Variants in SORCS1 observed in about 807,000 individuals in gnomAD.
SORCS1 encodes the protein sortilin related VPS10 domain containing receptor 1.
In SORCS1, 60 loss-of-function variants were observed where a neutral mutation model predicts 146.1. That is an observed-to-expected ratio of 0.41 (90% CI 0.33 to 0.51). SORCS1 has a LOEUF of 0.51. Ranked by LOEUF, SORCS1 falls within the 20% of genes least tolerant of loss-of-function variation. The probability of loss-of-function intolerance (pLI) is 0.21; values close to 1 mark genes in which losing one functional copy is unlikely to be tolerated. For missense variants in SORCS1, 1,352 were observed against 1,487.6 expected (o/e 0.91, Z 1.50); for synonymous variants, 637 against 584.0 (o/e 1.09, Z -1.31).
chr10:106,836,030 C>T (rs1267543386), intron 2 of SORCS1, among the ~76,000 whole-genome samples: 2 of 150,954 alleles, frequency 1.3e-5, no homozygotes, highest in African/African-American at 2.4e-5. Flanking sequence ...TCCTAACAGA[C>T]AACATCATAA....
chr10:107,162,305 G>A (rs1969772857), intron 1 of SORCS1, among the ~76,000 whole-genome samples: 1 of 152,190 alleles, frequency 6.6e-6, no homozygotes, highest in Non-Finnish European at 1.5e-5. Context: ...GAGCTAACAT[G>A]TTTGATGTGT....
chr10:107,117,443 A>G (rs766136240), intron 1 of SORCS1, among the ~76,000 whole-genome samples: 8 of 152,172 alleles, frequency 5.3e-5, no homozygotes, highest in Non-Finnish European at 1.2e-4. Context: ...CAGGCCAGAA[A>G]GCCTCTTCTC....
At chr10:106,824,465 C>T (rs1232606470) in intron 3 of SORCS1, among the ~76,000 whole-genome samples, 1 of 151,628 alleles carries the variant, frequency 6.6e-6, no homozygotes, top group Non-Finnish European at 1.5e-5. Flanking sequence ...TAGTAGACGC[C>T]TGTAATCCCA....
chr10:106,597,767 A>G (rs1008292502), intron 23 of SORCS1, among the ~76,000 whole-genome samples: 2 of 152,228 alleles, frequency 1.3e-5, no homozygotes, highest in African/African-American at 4.8e-5. Context: ...TTTGTTATGC[A>G]TGAGGACTTA....
At chr10:106,920,473 G>T (rs1338854199) in intron 2 of SORCS1, among the ~76,000 whole-genome samples, 1 of 152,070 alleles carries the variant, frequency 6.6e-6, no homozygotes, top group East Asian at 1.9e-4. Context: ...TCAAAATCCT[G>T]TATACAACTA....
At chr10:106,841,140 C>T (rs1355457804) in intron 2 of SORCS1, among the ~76,000 whole-genome samples, 3 of 152,010 alleles carry the variant, frequency 2.0e-5, no homozygotes, top group Non-Finnish European at 2.9e-5. Context: ...AGGCATGAGC[C>T]ACCCTGCCCA....
chr10:106,806,089 G>A (rs1315054101), intron 3 of SORCS1, among the ~76,000 whole-genome samples: 1 of 147,538 alleles, frequency 6.8e-6, no homozygotes, highest in East Asian at 2.0e-4. Context: ...CATGGAGTAG[G>A]CCGGGCACGG....
intron 24 of SORCS1, among the ~76,000 whole-genome samples, chr10:106,596,064 T>A (rs1845886131): frequency 1.3e-5 from 2 of 152,120 alleles, no homozygotes; most frequent in Non-Finnish European, 2.9e-5. Flanking sequence ...CATACAGAAG[T>A]TAAATGTCTT....
At chr10:106,964,954 T>G (rs1037588727) in intron 1 of SORCS1, among the ~76,000 whole-genome samples, 2 of 150,500 alleles carry the variant, frequency 1.3e-5, no homozygotes, top group Non-Finnish European at 2.9e-5. Context: ...CCAGATCTAG[T>G]AGAATGCCGT....
intron 6 of SORCS1, among the ~76,000 whole-genome samples, chr10:106,729,053 C>A (rs1258411561): frequency 6.6e-6 from 1 of 152,136 alleles, no homozygotes; most frequent in East Asian, 1.9e-4. Context: ...ATGCTTAGCC[C>A]TTCTGAGGAT....
intron 1 of SORCS1, among the ~76,000 whole-genome samples, chr10:107,044,691 C>T (rs1199182237): frequency 6.7e-6 from 1 of 150,328 alleles, no homozygotes; most frequent in Non-Finnish European, 1.5e-5. Context: ...GGTGTTGTGG[C>T]GGGCGTCTGT....
chr10:106,903,122 T>G (rs569456221), intron 2 of SORCS1, among the ~76,000 whole-genome samples: 2 of 152,160 alleles, frequency 1.3e-5, no homozygotes, highest in African/African-American at 4.8e-5. Flanking sequence ...ACAAAATAAT[T>G]TATGTAGTGC....
intron 2 of SORCS1, among the ~76,000 whole-genome samples, chr10:106,933,181 C>A (rs1027265702): frequency 6.6e-6 from 1 of 152,170 alleles, no homozygotes; most frequent in African/African-American, 2.4e-5. Context: ...AAGGTATCAG[C>A]AACACTAATG....
At chr10:106,977,775 G>C (rs1956092914) in intron 1 of SORCS1, among the ~76,000 whole-genome samples, 1 of 151,958 alleles carries the variant, frequency 6.6e-6, no homozygotes, top group South Asian at 2.1e-4. Flanking sequence ...GATTATTTGT[G>C]CTGGAATACC....
At position 106,944,871 on chromosome 10, in the gene SORCS1, C is replaced by CTTTTTTTTTTTTTTT. The variant is rs1564838013; in HGVS notation, c.626+11641_626+11642insAAAAAAAAAAAAAAA. 6.1e-4 allele frequency among the ~76,000 whole-genome samples: 37 copies of CTTTTTTTTTTTTTTT among 61,022 alleles called. 3 individuals carry two copies. Among genetic ancestry groups the CTTTTTTTTTTTTTTT allele is most frequent in the East Asian group, 2.4e-3 (6 of 2,536 alleles). 40.0% of individuals were successfully genotyped at this position (61,022 alleles called of 152,430 possible). ...ATGGTAGAAAGAAGCAAGAAAGAGC[C>CTTTTTTTTTTTTTTT]TTCTTTTTTTTTTTTTTTTTTTTTT... On this transcript the variant is annotated intron_variant, in intron 2 of 25. Transcript: ENST00000263054.
chr10:106,819,532 T>A (rs971164492), intron 3 of SORCS1, among the ~76,000 whole-genome samples: 18 of 152,158 alleles, frequency 1.2e-4, no homozygotes, highest in African/African-American at 4.3e-4. Context: ...TACATATAAA[T>A]ACAAGAGATC....
chr10:106,750,350 G>T (rs747346601), intron 5 of SORCS1, among the ~76,000 whole-genome samples: 5 of 152,054 alleles, frequency 3.3e-5, no homozygotes, highest in Non-Finnish European at 7.4e-5. Flanking sequence ...AATGAAGGTC[G>T]CATGAAAAGT....
chr10:106,808,241 C>T (rs922365407), intron 3 of SORCS1, among the ~76,000 whole-genome samples: 4 of 152,156 alleles, frequency 2.6e-5, no homozygotes, highest in Admixed American at 1.3e-4. Flanking sequence ...GGGTCTTGAA[C>T]TCCCGACCTC....
intron 2 of SORCS1, among the ~76,000 whole-genome samples, chr10:106,883,945 C>T (rs1950901945): frequency 6.6e-6 from 1 of 152,178 alleles, no homozygotes; most frequent in South Asian, 2.1e-4. Flanking sequence ...TCATAATACA[C>T]CCATAGCTAG....
Sources: gnomAD v4.1 joint callset for allele counts (sites outside exome capture counted in the v4.1 genomes callset) on GRCh38, gnomAD v4.1.1 for gene constraint, MANE v1.5 for transcripts, NCBI Gene and HGNC (gene_info 2026-07-23, HGNC 2026-07-21) for gene names.